Variants in EIF4ENIF1 observed in about 807,000 individuals in gnomAD.
The protein encoded by EIF4ENIF1 is eukaryotic translation initiation factor 4E transporter.
Under a neutral mutation model 110.5 loss-of-function variants are expected in EIF4ENIF1, and 23 were observed. The observed-to-expected ratio is 0.21, with a 90% CI of 0.15 to 0.29. The LOEUF (loss-of-function observed/expected upper bound fraction) is 0.29, where lower values mean the gene tolerates loss of function less well. Ranked by LOEUF, EIF4ENIF1 falls within the 10% of genes least tolerant of loss-of-function variation. The pLI is 1.00. For synonymous variants in EIF4ENIF1, 440 were observed against 437.0 expected (o/e 1.01, Z -0.09); for missense variants, 1,031 against 1,221.1 (o/e 0.84, Z 2.32).
chr22:31,449,377 T>C lies in EIF4ENIF1; in HGVS notation c.1739A>G (p.Tyr580Cys), dbSNP rs760841844. ...VFQTRAASAD[Y>C]LRPRIPSPIG... ...TGGTGATGGTATTCTTGGGCGAAGGTAGTCAGCTGAGGCTGCTCGAGTTTG... is the reference window on the plus strand; with the variant it reads ...TGGTGATGGTATTCTTGGGCGAAGGCAGTCAGCTGAGGCTGCTCGAGTTTG... The change falls in exon 12 of 19, where the codon TAC (tyrosine) becomes TGC (cysteine). Residue 580 changes from tyrosine (Y) to cysteine (C), a missense_variant. By Grantham distance (194) the Tyr-to-Cys change is radical. Coordinates refer to ENST00000330125, the MANE Select transcript of EIF4ENIF1 (RefSeq NM_019843.4). The C allele has an allele frequency of 3.7e-6, 6 of 1,613,780 alleles. No individual in the cohort carries two copies. The Admixed American group carries it at 6.7e-5, about 18-fold the overall frequency.
At chr22:31,444,873 G>C (rs1322583311) in intron 14 of EIF4ENIF1, among the ~76,000 whole-genome samples, 183 bp from the exon 15 acceptor site, 1 of 152,170 alleles carries the variant, frequency 6.6e-6, no homozygotes, top group Non-Finnish European at 1.5e-5. Context: ...GAAGACAAAA[G>C]GAAAATGAAA....
rs570874847 is a variant in EIF4ENIF1, at chr22:31,478,149, A to T, written c.97-6232T>A. On this transcript the variant is annotated intron_variant, in intron 2 of 18. Transcript: ENST00000330125. ...TGTTACCTTCCAGCATGATCCTAAGATGCTTAAGGTGGTATCCCAGCACAA... is the reference window on the plus strand; with the variant it reads ...TGTTACCTTCCAGCATGATCCTAAGTTGCTTAAGGTGGTATCCCAGCACAA... Among the ~76,000 whole-genome samples, 9 of 152,308 alleles carry T rather than the reference A, an allele frequency of 5.9e-5. No individual in the cohort carries two copies. The South Asian group carries it at 1.9e-3, about 32-fold the overall frequency.
chr22:31,474,878 G>A (rs1262601033), intron 2 of EIF4ENIF1, among the ~76,000 whole-genome samples: 1 of 152,172 alleles, frequency 6.6e-6, no homozygotes, highest in East Asian at 1.9e-4. Context: ...ACTATGCCAT[G>A]ACTTTGGCAA....
chr22:31,455,757 GAC>G, intron 8 of EIF4ENIF1, 93 bp downstream of exon 8: 1 of 1,504,422 alleles, frequency 6.6e-7, no homozygotes, highest in African/African-American at 1.4e-5. Context: ...GAGACCCTTT[GAC>G]CCTAATTGAC....
At chr22:31,461,019 C>T (rs150537616) in intron 6 of EIF4ENIF1, among the ~76,000 whole-genome samples, 5 of 152,284 alleles carry the variant, frequency 3.3e-5, no homozygotes, top group African/African-American at 9.6e-5. Context: ...AAAAGGCTTT[C>T]AACTAAGCCT....
At chr22:31,474,144 GCC>G (rs2051488427) in intron 2 of EIF4ENIF1, among the ~76,000 whole-genome samples, 1 of 151,252 alleles carries the variant, frequency 6.6e-6, no homozygotes, top group Admixed American at 6.6e-5. Context: ...TGCAACCCCT[GCC>G]TTCTGGGTTG....
upstream of EIF4ENIF1, among the ~76,000 whole-genome samples, chr22:31,490,364 G>C (rs1421611259): frequency 6.6e-6 from 1 of 152,230 alleles, no homozygotes; most frequent in Non-Finnish European, 1.5e-5. Flanking sequence ...GTGCGGGTTC[G>C]AACCTCAGCT....
chr22:31,465,323 CAAAA>C (rs544872114), intron 4 of EIF4ENIF1, among the ~76,000 whole-genome samples: 1 of 60,876 alleles, frequency 1.6e-5, no homozygotes, highest in African/African-American at 5.5e-5. Context: ...GACTCTGTCT[CAAAA>C]AAAAAAAAAA....
intron 10 of EIF4ENIF1, among the ~76,000 whole-genome samples, chr22:31,451,682 G>C (rs1273264914): frequency 6.8e-6 from 1 of 147,834 alleles, no homozygotes; most frequent in African/African-American, 2.5e-5. Context: ...TTTTTTTTTG[G>C]GACAGGTCTA....
At chr22:31,490,878 G>C (rs1035141293), upstream of EIF4ENIF1, among the ~76,000 whole-genome samples, 2 of 152,220 alleles carry the variant, frequency 1.3e-5, no homozygotes, top group African/African-American at 4.8e-5. Context: ...TTTCTTCCAA[G>C]AGGCCTACTT....
chr22:31,450,742 T>A (rs13053930), intron 10 of EIF4ENIF1: 1,424 of 138,446 alleles, frequency 0.01, 17 homozygotes, highest in Non-Finnish European at 0.014. Context: ...ACACACACAC[T>A]CATATATACA....
chr22:31,450,719 GACACACAC>G (rs10550760), intron 10 of EIF4ENIF1: 134 of 246,544 alleles, frequency 5.4e-4, no homozygotes, highest in African/African-American at 2.4e-3. Flanking sequence ...ATTTATTGGA[GACACACAC>G]ACACACACAC....
At chr22:31,441,704 C>T in intron 17 of EIF4ENIF1, 70 bp downstream of exon 17, 2 of 1,323,178 alleles carry the variant, frequency 1.5e-6, no homozygotes, top group Non-Finnish European at 2.1e-6. Flanking sequence ...CATTATAGCA[C>T]TTCATCAGTG....
At chr22:31,450,579 C>T in intron 10 of EIF4ENIF1, 1 of 418,448 alleles carries the variant, frequency 2.4e-6, no homozygotes, top group East Asian at 4.8e-5. Context: ...AAAGTCCCCT[C>T]AGAGATCCTC....
intron 3 of EIF4ENIF1, among the ~76,000 whole-genome samples, chr22:31,470,872 C>G (rs777806357): frequency 6.6e-6 from 1 of 151,008 alleles, no homozygotes; most frequent in Non-Finnish European, 1.5e-5. Context: ...ATTAGCTGTG[C>G]GTGGTAGTGG....
rs1463650768 is a variant in EIF4ENIF1, at chr22:31,477,373, AACAAAAAAAAC to A, written c.97-5467_97-5457del. Among the ~76,000 whole-genome samples, 689 of 84,178 alleles carry A rather than the reference AACAAAAAAAAC, an allele frequency of 8.2e-3. 22 individuals carry two copies. Among genetic ancestry groups the A allele is most frequent in the African/African-American group, 0.036 (662 of 18,476 alleles). 55.2% of individuals were successfully genotyped at this position (84,178 alleles called of 152,430 possible). On this transcript the variant is annotated intron_variant, in intron 2 of 18. Coordinates refer to ENST00000330125, the MANE Select transcript of EIF4ENIF1 (RefSeq NM_019843.4). ...CTCTGTCTCCAAAAAAAAAAAAAAA[AACAAAAAAAAC>A]AAAAAAAGAGAATTTGAAATTGAGA...
Position 31,462,860 on chromosome 22 carries a change from G to C in EIF4ENIF1, c.787+72C>G. 6 of 1,508,108 alleles carry C rather than the reference G, an allele frequency of 4.0e-6. No individual in the cohort carries two copies. The Admixed American group carries it at 1.0e-4, about 26-fold the overall frequency. 93.4% of individuals were successfully genotyped at this position (1,508,108 alleles called of 1,614,324 possible). ...GGCCTCCCAAAGTGTTGGGATTACA[G>C]GTGTGAGCCACCACGCCCAGCCTAC... On this transcript the variant is annotated intron_variant, in intron 6 of 18. Coordinates refer to ENST00000330125, the MANE Select transcript of EIF4ENIF1 (RefSeq NM_019843.4).
intron 6 of EIF4ENIF1, among the ~76,000 whole-genome samples, chr22:31,461,475 T>A (rs1235683469): frequency 6.6e-6 from 1 of 152,178 alleles, no homozygotes; most frequent in Non-Finnish European, 1.5e-5. Flanking sequence ...GTCTCAACTC[T>A]GTCTCCCAGG....
rs2051499050 is a variant in EIF4ENIF1 at position 31,474,462 on chromosome 22, C to G, written c.97-2545G>C. ...CCAGTGGGTGCCTCTTCAAACTGGC[C>G]CATGTGTCTTTTTCAACATGCCATC... On this transcript the variant is annotated intron_variant, in intron 2 of 18. Coordinates refer to ENST00000330125, the MANE Select transcript of EIF4ENIF1 (RefSeq NM_019843.4). Among the ~76,000 whole-genome samples, 3 of 151,908 alleles carry G rather than the reference C, an allele frequency of 2.0e-5. No homozygotes were observed. The South Asian group carries it at 6.2e-4, about 31-fold the overall frequency.
Sources: allele counts gnomAD v4.1 joint callset (sites outside exome capture counted in the v4.1 genomes callset), GRCh38; gene constraint gnomAD v4.1.1; transcripts MANE v1.5; gene names NCBI Gene and HGNC (gene_info 2026-07-23, HGNC 2026-07-21).